The following HCRTR1 variants were observed in gnomAD, a reference collection of about 807,000 sequenced individuals.
HCRTR1 encodes hypocretin receptor 1, also known as orexin/Hypocretin receptor type 1.
A neutral mutation model predicts 40.6 loss-of-function variants in HCRTR1; 28 were observed. The ratio of observed to expected loss-of-function variants is 0.69; its 90% CI spans 0.51 to 0.95. The LOEUF (loss-of-function observed/expected upper bound fraction) is 0.95, where lower values mean the gene tolerates loss of function less well. Ranked by LOEUF, HCRTR1 falls within the 40% of genes least tolerant of loss-of-function variation. The pLI is 0.00. For synonymous variants in HCRTR1, 209 were observed against 230.0 expected, an observed-to-expected ratio of 0.91 and a Z score of 0.83; for missense variants, 482 against 564.7, an observed-to-expected ratio of 0.85 and a Z score of 1.48.
In HCRTR1 at chr1:31,619,632, G is replaced by A; in HGVS notation, c.300G>A (p.Leu100=). The change falls in exon 4 of 9, where the codon CTG becomes CTA. Residue 100 remains leucine, a synonymous_variant. Transcript: ENST00000403528. ...LADVLVTAIC[L]PASLLVDITE... ...ACGTTCTGGTGACTGCTATCTGCCT[G>A]CCGGCCAGCCTGCTGGTGGACATCA... 6.2e-7 allele frequency: 1 copy of A among 1,614,002 alleles called. No individual in the cohort carries two copies. The highest frequency in any genetic ancestry group is 1.3e-5 in the African/African-American group (1 of 75,046).
chr1:31,621,217 C>T lies in HCRTR1; in HGVS notation c.622+131C>T, dbSNP rs1451937706. 9.4e-6 allele frequency: 12 copies of T among 1,271,342 alleles called. No homozygotes were observed. The East Asian group carries it at 3.0e-4, about 32-fold the overall frequency. 78.8% of individuals were successfully genotyped at this position (1,271,342 alleles called of 1,614,324 possible). On this transcript the variant is annotated intron_variant, in intron 5 of 8. Coordinates refer to ENST00000403528, the MANE Select transcript of HCRTR1 (RefSeq NM_001525.3). ...AGAGCAGGTATTTCCCTAGGGGACACCCTAGACTGGCTCCTACCAGGGATA... is the reference window on the plus strand; with the variant it reads ...AGAGCAGGTATTTCCCTAGGGGACATCCTAGACTGGCTCCTACCAGGGATA...
intron 3 of HCRTR1, 43 bp downstream of exon 3, chr1:31,619,434 G>T (rs1320709208): frequency 1.9e-6 from 3 of 1,612,898 alleles, no homozygotes; most frequent in Non-Finnish European, 2.5e-6. Context: ...GCTTTCCCTG[G>T]GGATTGAAGG....
intron 6 of HCRTR1, among the ~76,000 whole-genome samples, chr1:31,622,234 T>C (rs187056450): frequency 1.5e-3 from 232 of 151,904 alleles, no homozygotes; most frequent in African/African-American, 4.7e-3. Context: ...GGGGCAGGGG[T>C]GGTCAGAGGC....
chr1:31,618,926 C>T (rs995803435), intron 2 of HCRTR1, 110 bp downstream of exon 2: 1 of 501,606 alleles, frequency 2.0e-6, no homozygotes, highest in East Asian at 3.5e-5. Flanking sequence ...CCAGGTCTGT[C>T]TTCCTCCACC....
rs1444349347 is a variant in HCRTR1, at chr1:31,622,856, A to G, written c.739-667A>G. On this transcript the variant is annotated intron_variant, in intron 6 of 8. Coordinates refer to ENST00000403528, the MANE Select transcript of HCRTR1 (RefSeq NM_001525.3). The stretch of plus-strand genomic sequence containing the variant: ...GGAGGCACAACTCACCCCCACCCCT[A>G]CCCTCAAAGATAGTGTTGGAGATTT... Among the ~76,000 whole-genome samples the G allele has an allele frequency of 3.3e-5, 5 of 151,960 alleles. 1 individual carries two copies. Among genetic ancestry groups the G allele is most frequent in the African/African-American group, 1.2e-4 (5 of 41,368 alleles).
In HCRTR1 at chr1:31,626,847, C is replaced by A; in HGVS notation, c.1145C>A (p.Pro382His). ...AFSCCLPGLG[P>H]CGSLKAPSPR... ...TCCTGCTGCCTGCCTGGCCTGGGTC[C>A]CTGCGGCTCTCTGAAGGCCCCTAGT... Residue 382 changes from proline (P) to histidine (H), a missense_variant, in exon 9 of 9, where the codon CCC becomes CAC. Transcript: ENST00000403528. The surrounding 1 kb of genome is among the most constrained non-coding windows in gnomAD (Gnocchi z 4.6). 6.2e-7 allele frequency: 1 copy of A among 1,614,090 alleles called. No individual in the cohort carries two copies. Among genetic ancestry groups the A allele is most frequent in the Non-Finnish European group, 8.5e-7 (1 of 1,179,998 alleles).
chr1:31,620,891 G>A lies in HCRTR1; in HGVS notation c.427G>A (p.Asp143Asn). ...AVLTLSFIAL[D>N]RWYAICHPLL... ...GCTAACTCTCAGCTTCATCGCCCTG[G>A]ACCGCTGGTATGCCATCTGCCACCC... Residue 143 changes from aspartate to asparagine, a missense_variant, in exon 5 of 9, where the codon GAC becomes AAC. Asp to Asn is a conservative substitution (Grantham distance 23, BLOSUM62 1). Transcript: ENST00000403528. 6.2e-7 allele frequency: 1 copy of A among 1,614,142 alleles called. No individual in the cohort carries two copies. The highest frequency in any genetic ancestry group is 8.5e-7 in the Non-Finnish European group (1 of 1,180,026).
rs199572701 is a variant in HCRTR1 at position 31,619,180 on chromosome 1, G to A, written c.-13G>A. The A allele has an allele frequency of 4.5e-5, 72 of 1,607,112 alleles. No individual in the cohort carries two copies. The highest frequency in any genetic ancestry group is 5.4e-5 in the Non-Finnish European group (64 of 1,179,208). ...GCCTAGGATGCCCCTCTGCTGCAGC[G>A]GCTCCTGAGCTCATGGAGCCCTCAG... On this transcript the variant is annotated 5_prime_UTR_variant, in exon 3 of 9. Transcript: ENST00000403528.
At chr1:31,627,803 G>A (rs956183055), downstream of HCRTR1, among the ~76,000 whole-genome samples, 1 of 152,152 alleles carries the variant, frequency 6.6e-6, no homozygotes, top group Non-Finnish European at 1.5e-5. Flanking sequence ...GCCTCCTCAT[G>A]CGGTGCCAAT....
At chr1:31,628,665 G>A (rs908162895), downstream of HCRTR1, among the ~76,000 whole-genome samples, 6 of 152,228 alleles carry the variant, frequency 3.9e-5, no homozygotes, top group South Asian at 2.1e-4. Context: ...AACAACAGGC[G>A]CTGCTCCTAA....
At chr1:31,622,086 C>T (rs546114139) in intron 6 of HCRTR1, among the ~76,000 whole-genome samples, 3 of 152,322 alleles carry the variant, frequency 2.0e-5, no homozygotes, top group African/African-American at 7.2e-5. Flanking sequence ...ACAAAAGAAG[C>T]AACATTACCC....
downstream of HCRTR1, among the ~76,000 whole-genome samples, chr1:31,628,371 G>A (rs1640019481): frequency 6.6e-6 from 1 of 152,224 alleles, no homozygotes. Flanking sequence ...CCAGCTCTCT[G>A]TGGACGGGGC....
chr1:31,623,855 T>A, intron 7 of HCRTR1, 106 bp downstream of exon 7: 1 of 789,868 alleles, frequency 1.3e-6, no homozygotes, highest in East Asian at 2.7e-5. Flanking sequence ...CACTATGTGA[T>A]CTTGGGCAGG....
downstream of HCRTR1, chr1:31,633,199 A>T: frequency 1.9e-6 from 3 of 1,614,118 alleles, no homozygotes; most frequent in Non-Finnish European, 2.5e-6. Flanking sequence ...ATGAAGACCA[A>T]TTGCAGTTGA....
At chr1:31,623,054 C>T (rs770877029) in intron 6 of HCRTR1, among the ~76,000 whole-genome samples, 13 of 152,112 alleles carry the variant, frequency 8.5e-5, no homozygotes, top group Non-Finnish European at 1.5e-4. Flanking sequence ...CTAGGCTGGG[C>T]GCAGTGGCTC....
At chr1:31,622,286 G>A (rs988649724) in intron 6 of HCRTR1, among the ~76,000 whole-genome samples, 12 of 152,056 alleles carry the variant, frequency 7.9e-5, no homozygotes, top group South Asian at 2.1e-4. Flanking sequence ...GCGTCTGGGC[G>A]GTGAGAAAAG....
intron 7 of HCRTR1, 84 bp from the exon 8 acceptor site, chr1:31,624,913 C>T: frequency 2.1e-6 from 3 of 1,412,462 alleles, no homozygotes; most frequent in Non-Finnish European, 2.8e-6. Flanking sequence ...TTGCACTTTA[C>T]AGCTCAGGTT....
chr1:31,623,607 G>A lies in HCRTR1; in HGVS notation c.823G>A (p.Glu275Lys), dbSNP rs140296272. ...LGDLEQGLSG[E>K]PQPRARAFLA... ...GGACCTGGAGCAGGGCCTGAGTGGA[G>A]AGCCCCAGCCCCGGGCCCGCGCCTT... The change falls in exon 7 of 9, where the codon GAG becomes AAG. Residue 275 changes from glutamate (E) to lysine (K), a missense_variant. Coordinates refer to ENST00000403528, the MANE Select transcript of HCRTR1 (RefSeq NM_001525.3). The A allele has an allele frequency of 3.6e-5, 58 of 1,613,714 alleles. No homozygotes were observed. Among genetic ancestry groups the A allele is most frequent in the Non-Finnish European group, 4.8e-5 (57 of 1,180,018 alleles).
downstream of HCRTR1, among the ~76,000 whole-genome samples, chr1:31,633,001 A>G (rs1640154941): frequency 6.6e-6 from 1 of 152,168 alleles, no homozygotes; most frequent in Non-Finnish European, 1.5e-5. Flanking sequence ...AAGAGCTCTC[A>G]GTCTAGGGGA....
Sources: gnomAD v4.1 joint callset for allele counts (sites outside exome capture counted in the v4.1 genomes callset) on GRCh38, gnomAD v4.1.1 for gene constraint, Gnocchi (gnomAD v3.1) non-coding constraint, MANE v1.5 for transcripts, NCBI Gene and HGNC (gene_info 2026-07-23, HGNC 2026-07-21) for gene names.